PUM2: variants seen among roughly 807,000 people sequenced by gnomAD.
PUM2 encodes the protein pumilio homolog 2.
In PUM2, 57 loss-of-function variants were observed where a neutral mutation model predicts 124.5. The ratio of observed to expected loss-of-function variants is 0.46; its 90% confidence interval spans 0.37 to 0.57. The LOEUF (loss-of-function observed/expected upper bound fraction) is 0.57, where lower values mean the gene tolerates loss of function less well. Among genes scored for constraint, PUM2 ranks in the 20% least tolerant of loss-of-function variants. PUM2 has a pLI of 0.00. For synonymous variants in PUM2, 460 were observed against 446.1 expected, an observed-to-expected ratio of 1.03 and a Z score of -0.39; for missense variants, 1,065 against 1,290.6, an observed-to-expected ratio of 0.83 and a Z score of 2.68.
chr2:20,265,948 G>A (rs114879370), intron 13 of PUM2, among the ~76,000 whole-genome samples: 2 of 152,132 alleles, frequency 1.3e-5, no homozygotes, highest in African/African-American at 4.8e-5. Flanking sequence ...GTTTTATTTG[G>A]TACCTCCCAA....
At chr2:20,331,211 G>A (rs79082147) in intron 1 of PUM2, among the ~76,000 whole-genome samples, 2,195 of 152,008 alleles carry the variant, frequency 0.014, 67 homozygotes, top group African/African-American at 0.049. Context: ...TAGAAGGAAC[G>A]AAAGGGTAGG....
intron 13 of PUM2, among the ~76,000 whole-genome samples, chr2:20,278,156 C>T (rs916950755): frequency 2.0e-5 from 3 of 152,072 alleles, no homozygotes; most frequent in Non-Finnish European, 4.4e-5. Context: ...GTAAAATGGC[C>T]AGGCATAGAA....
Position 20,334,710 on chromosome 2 carries a change from C to T in PUM2, c.-18-7332G>A, listed in dbSNP as rs182913765. ...ACATAAGGACAATGAACAAGGCTTT[C>T]GCTTAGACTTTTTGTACTGCTGAAG... On this transcript the variant is annotated intron_variant, in intron 1 of 20. Coordinates refer to ENST00000361078, the MANE Select transcript of PUM2 (RefSeq NM_015317.5). 2.0e-3 allele frequency among the ~76,000 whole-genome samples: 306 copies of T among 152,298 alleles called. 6 individuals carry two copies. The highest frequency in any genetic ancestry group is 0.01 in the Middle Eastern group (3 of 294).
intron 3 of PUM2, among the ~76,000 whole-genome samples, chr2:20,313,621 G>C (rs1214482847): frequency 6.6e-6 from 1 of 152,026 alleles, no homozygotes; most frequent in Non-Finnish European, 1.5e-5. Flanking sequence ...CTTGAGCAGA[G>C]GAGCTTGAGA....
At chr2:20,280,070 C>T (rs1408499815) in intron 12 of PUM2, among the ~76,000 whole-genome samples, 2 of 151,968 alleles carry the variant, frequency 1.3e-5, no homozygotes, top group African/African-American at 4.8e-5. Context: ...ATAGGTCATA[C>T]AGGGTATAAA....
At chr2:20,309,430 A>T (rs930029404) in intron 5 of PUM2, among the ~76,000 whole-genome samples, 3 of 139,794 alleles carry the variant, frequency 2.1e-5, no homozygotes, top group East Asian at 2.0e-4. Context: ...TTTCTACATT[A>T]AAAAAAAAAA....
chr2:20,278,285 T>G (rs1343586263), intron 13 of PUM2, among the ~76,000 whole-genome samples: 1 of 152,092 alleles, frequency 6.6e-6, no homozygotes, highest in Non-Finnish European at 1.5e-5. Context: ...GTTTATATAG[T>G]TGACTTTTCA....
At chr2:20,351,939 T>C (rs1454801352), upstream of PUM2, among the ~76,000 whole-genome samples, 1 of 152,138 alleles carries the variant, frequency 6.6e-6, no homozygotes, top group Non-Finnish European at 1.5e-5. Context: ...TTGAAATCCA[T>C]CCCAAGCCCC....
chr2:20,297,705 AAAC>A lies in PUM2; in HGVS notation c.884-30_884-28del, dbSNP rs777764450. On this transcript the variant is annotated intron_variant, in intron 7 of 20. Transcript: ENST00000361078. ...TATATTTTAAAAGGGGAGAAATAAT[AAAC>A]AACAATGTAAAGTATGATTTTTTTC... The A allele has an allele frequency of 4.4e-4, 700 of 1,602,398 alleles. 3 individuals carry two copies. The highest frequency in any genetic ancestry group is 5.7e-4 in the Non-Finnish European group (665 of 1,172,576).
At chr2:20,328,730 G>A (rs1038070941) in intron 1 of PUM2, among the ~76,000 whole-genome samples, 1 of 152,194 alleles carries the variant, frequency 6.6e-6, no homozygotes, top group Non-Finnish European at 1.5e-5. Flanking sequence ...GAAAGGGTCA[G>A]TGAACTTGAA....
At chr2:20,334,867 A>C (rs1685659188) in intron 1 of PUM2, among the ~76,000 whole-genome samples, 1 of 152,182 alleles carries the variant, frequency 6.6e-6, no homozygotes, top group Non-Finnish European at 1.5e-5. Flanking sequence ...TTACATAAAA[A>C]CCTAGTTGAG....
chr2:20,280,801 C>A (rs182194434), intron 12 of PUM2, among the ~76,000 whole-genome samples: 1 of 151,998 alleles, frequency 6.6e-6, no homozygotes, highest in Non-Finnish European at 1.5e-5. Flanking sequence ...AATCATTCAT[C>A]GACTGTGAAA....
intron 8 of PUM2, among the ~76,000 whole-genome samples, chr2:20,295,199 C>A (rs1675222793): frequency 6.6e-6 from 1 of 152,064 alleles, no homozygotes; most frequent in African/African-American, 2.4e-5. Context: ...TGTTCCTGCT[C>A]TAGTCTACTT....
intron 13 of PUM2, among the ~76,000 whole-genome samples, chr2:20,270,360 G>A (rs1462053068): frequency 6.6e-6 from 1 of 152,148 alleles, no homozygotes; most frequent in Non-Finnish European, 1.5e-5. Flanking sequence ...AATTATAGGA[G>A]CTGGGATTGT....
At position 20,295,823 on chromosome 2, in the gene PUM2, T is replaced by C. The variant is rs78178405; in HGVS notation, c.1010-1305A>G. ...ACAAATTAAAGAGTATTATTGAAAT[T>C]AATTTTATTGCTTTTTACTTTTATA... On this transcript the variant is annotated intron_variant, in intron 8 of 20. Coordinates refer to ENST00000361078, the MANE Select transcript of PUM2 (RefSeq NM_015317.5). Among the ~76,000 whole-genome samples, 676 of 152,346 alleles carry C rather than the reference T, an allele frequency of 4.4e-3. 5 individuals carry two copies. The highest frequency in any genetic ancestry group is 0.015 in the African/African-American group (606 of 41,580).
chr2:20,274,957 C>CAAACAAAAAAAAAAAAAAAAAAA (rs1669865126), intron 13 of PUM2, among the ~76,000 whole-genome samples: 1 of 31,428 alleles, frequency 3.2e-5, no homozygotes, highest in Non-Finnish European at 6.0e-5. Context: ...GAAGTATCTC[C>CAAACAAAAAAAAAAAAAAAAAAA]AAAAAAAAAA....
chr2:20,345,172 T>C (rs1434933191), intron 1 of PUM2, among the ~76,000 whole-genome samples: 1 of 148,832 alleles, frequency 6.7e-6, no homozygotes, highest in Non-Finnish European at 1.5e-5. Context: ...CGATCACAAC[T>C]CACTGCAGCC....
At chr2:20,310,779 C>A (rs1162632002) in intron 5 of PUM2, among the ~76,000 whole-genome samples, 1 of 151,832 alleles carries the variant, frequency 6.6e-6, no homozygotes. Flanking sequence ...GATACAAGCT[C>A]CAAAGCACCT....
At chr2:20,260,741 T>G (rs1221807953) in intron 14 of PUM2, among the ~76,000 whole-genome samples, 5 of 152,286 alleles carry the variant, frequency 3.3e-5, no homozygotes, top group African/African-American at 1.2e-4. Flanking sequence ...TTACGTAAAT[T>G]TTGCTGCTTA....
Sources: allele counts gnomAD v4.1 joint callset (sites outside exome capture counted in the v4.1 genomes callset), GRCh38; gene constraint gnomAD v4.1.1; transcripts MANE v1.5; gene names NCBI Gene and HGNC (gene_info 2026-07-23, HGNC 2026-07-21).